The following SLC5A8 variants were observed in gnomAD, a reference collection of about 807,000 sequenced individuals.
The protein encoded by SLC5A8 is solute carrier family 5 member 8, also known as sodium-coupled monocarboxylate transporter 1.
SLC5A8 carries 55 observed loss-of-function variants against 71.9 expected under a neutral mutation model. The observed-to-expected ratio is 0.77, with a 90% confidence interval of 0.62 to 0.96. The LOEUF (loss-of-function observed/expected upper bound fraction) is 0.96, where lower values mean the gene tolerates loss of function less well. SLC5A8 is among the 40% of genes least tolerant of loss of function. The pLI, the probability that SLC5A8 is intolerant of heterozygous loss-of-function variation, is 0.00. For synonymous variants in SLC5A8, 307 were observed against 276.1 expected, an observed-to-expected ratio of 1.11 and a Z score of -1.11; for missense variants, 701 against 745.3, an observed-to-expected ratio of 0.94 and a Z score of 0.69.
At chr12:101,183,008 C>A (rs1593373115) in intron 8 of SLC5A8, 93 bp from the exon 9 acceptor site, 69 of 217,478 alleles carry the variant, frequency 3.2e-4, no homozygotes, top group Middle Eastern at 1.4e-3. Context: ...ATTGTCACTT[C>A]TAAAATATAA....
At chr12:101,162,716 G>A (rs2051735703) in intron 12 of SLC5A8, among the ~76,000 whole-genome samples, 2 of 152,112 alleles carry the variant, frequency 1.3e-5, no homozygotes, top group South Asian at 4.1e-4. Context: ...CACAAAGAAG[G>A]GAACAATAGA....
intron 2 of SLC5A8, among the ~76,000 whole-genome samples, chr12:101,203,531 G>C (rs1025033768): frequency 6.6e-6 from 1 of 152,164 alleles, no homozygotes; most frequent in South Asian, 2.1e-4. Context: ...TATTTTTGTA[G>C]AGATGGGGTT....
chr12:101,190,660 A>G, intron 5 of SLC5A8, 52 bp from the exon 6 acceptor site: 1 of 1,521,606 alleles, frequency 6.6e-7, no homozygotes, highest in South Asian at 1.3e-5. Flanking sequence ...GAGACTAAAA[A>G]AAATTCTCTT....
chr12:101,159,038 G>A (rs961343013), intron 13 of SLC5A8, among the ~76,000 whole-genome samples: 2 of 151,876 alleles, frequency 1.3e-5, no homozygotes, highest in South Asian at 2.1e-4. Context: ...CTCAAAGAGT[G>A]GTCCTCAAAC....
At chr12:101,180,375 T>C (rs1406532142) in intron 9 of SLC5A8, among the ~76,000 whole-genome samples, 1 of 152,224 alleles carries the variant, frequency 6.6e-6, no homozygotes, top group Non-Finnish European at 1.5e-5. Context: ...TATTTAAAAC[T>C]AAGAACTATA....
At chr12:101,202,296 G>A (rs1869490117) in intron 2 of SLC5A8, 81 bp from the exon 3 acceptor site, 1 of 1,248,054 alleles carries the variant, frequency 8.0e-7, no homozygotes, top group Admixed American at 3.0e-5. Context: ...AATATTGATT[G>A]TTTTCCTATA....
At chr12:101,196,675 C>T (rs1010119467) in intron 3 of SLC5A8, among the ~76,000 whole-genome samples, 18 of 152,098 alleles carry the variant, frequency 1.2e-4, no homozygotes, top group African/African-American at 4.1e-4. Flanking sequence ...AGTAATTTAA[C>T]ATACATTCCT....
Position 101,210,222 on chromosome 12 carries a change from C to T in SLC5A8, c.-374G>A, listed in dbSNP as rs144567279. The T allele has an allele frequency of 9.1e-5, 22 of 241,108 alleles. No individual in the cohort carries two copies. In the East Asian group the frequency reaches 1.5e-3, roughly 17 times the overall value. The allele number at this position is 241,108 out of a possible 1,614,324, so 14.9% of individuals were successfully genotyped here. A position where few individuals can be genotyped will look rare whatever the true frequency, so the allele number is the denominator to read the frequency against. On this transcript the variant is annotated 5_prime_UTR_variant, in exon 1 of 15. Coordinates refer to ENST00000536262, the MANE Select transcript of SLC5A8 (RefSeq NM_145913.5). The stretch of plus-strand genomic sequence containing the variant: ...CCAGCGAATCTACACAGGGAGCGCT[C>T]TGGGCAGGTTTTGTTCAAGTGGTAC...
chr12:101,187,394 G>A lies in SLC5A8; in HGVS notation c.955C>T (p.Pro319Ser). The change falls in exon 7 of 15, where the codon CCA (proline) becomes TCA (serine). Residue 319 changes from proline (P) to serine (S), a missense_variant. By Grantham distance (74) the Pro-to-Ser change is moderately conservative. Transcript: ENST00000536262. ...AAGACATGGTACTGAACCTGGTCTG[G>A]TGCAGACACTTTCTTGGCTGTCCAA... is the stretch of plus-strand genomic sequence containing the variant. ...DPWTAKKVSA[P>S]DQLMPYLVLD... 1.2e-6 allele frequency: 2 copies of A among 1,613,570 alleles called. No individual in the cohort carries two copies. The highest frequency in any genetic ancestry group is 1.7e-6 in the Non-Finnish European group (2 of 1,179,816).
intron 4 of SLC5A8, 142 bp downstream of exon 4, chr12:101,194,953 C>G: frequency 1.4e-6 from 1 of 720,766 alleles, no homozygotes; most frequent in Non-Finnish European, 2.3e-6. Flanking sequence ...GATTATTTCT[C>G]ACACAAAAAA....
intron 9 of SLC5A8, 25 bp from the exon 10 acceptor site, chr12:101,180,121 T>G (rs577112044): frequency 1.2e-6 from 2 of 1,611,430 alleles, no homozygotes; most frequent in Admixed American, 1.7e-5. Context: ...TAAAAGCCAG[T>G]GTAAAATCCA....
chr12:101,209,263 A>G (rs1296636153), intron 1 of SLC5A8, among the ~76,000 whole-genome samples: 1 of 152,232 alleles, frequency 6.6e-6, no homozygotes, highest in Non-Finnish European at 1.5e-5. Context: ...CACTAAGCCC[A>G]GGAGAGTAAA....
rs115367634 is a variant in SLC5A8, at chr12:101,184,250, G to C, written c.964-28C>G. ...GAAAAATTCCAAAATTTATTTCCAA[G>C]TACTTTCGCTACTGAATAAAATTAA... On this transcript the variant is annotated intron_variant, in intron 7 of 14. Coordinates refer to ENST00000536262, the MANE Select transcript of SLC5A8 (RefSeq NM_145913.5). The C allele has an allele frequency of 7.3e-4, 1,145 of 1,573,066 alleles. 10 individuals carry two copies. The African/African-American group carries it at 0.014, about 19-fold the overall frequency.
In SLC5A8 at chr12:101,204,002, T is replaced by A. The variant is rs147948775; in HGVS notation, c.417+498A>T. 3.7e-3 allele frequency among the ~76,000 whole-genome samples: 565 copies of A among 152,334 alleles called. 1 individual carries two copies. The highest frequency in any genetic ancestry group is 6.0e-3 in the Non-Finnish European group (405 of 68,034). ...GGACTGCTTTAGTTGGTTCTTGTAGTCTAATTTTTAAAAGAGCACTGACTT... is the reference window on the plus strand; with the variant it reads ...GGACTGCTTTAGTTGGTTCTTGTAGACTAATTTTTAAAAGAGCACTGACTT... On this transcript the variant is annotated intron_variant, in intron 2 of 14. Transcript: ENST00000536262.
intron 10 of SLC5A8, among the ~76,000 whole-genome samples, chr12:101,176,321 T>C (rs1425914834): frequency 6.6e-6 from 1 of 151,928 alleles, no homozygotes; most frequent in Non-Finnish European, 1.5e-5. Flanking sequence ...AAGCAAAAAC[T>C]GATAGAACTA....
intron 14 of SLC5A8, 104 bp downstream of exon 14, chr12:101,158,145 T>C: frequency 3.7e-6 from 3 of 818,974 alleles, no homozygotes; most frequent in East Asian, 2.5e-5. Flanking sequence ...GTCTATACCT[T>C]CCTTGTCCAT....
At chr12:101,202,535 G>A (rs1239680904) in intron 2 of SLC5A8, among the ~76,000 whole-genome samples, 1 of 151,582 alleles carries the variant, frequency 6.6e-6, no homozygotes, top group Non-Finnish European at 1.5e-5. Context: ...TCCTACATCT[G>A]AAATAATTAG....
At chr12:101,202,460 G>A (rs975757652) in intron 2 of SLC5A8, among the ~76,000 whole-genome samples, 7 of 151,820 alleles carry the variant, frequency 4.6e-5, no homozygotes, top group Non-Finnish European at 1.0e-4. Flanking sequence ...GTAAAAATAC[G>A]GACTTTTATA....
At chr12:101,172,685 G>A (rs191946737) in intron 10 of SLC5A8, among the ~76,000 whole-genome samples, 4 of 152,102 alleles carry the variant, frequency 2.6e-5, no homozygotes, top group Non-Finnish European at 5.9e-5. Flanking sequence ...AAGGCAGCCC[G>A]CTAGGGACCC....
Sources: gnomAD v4.1 joint callset for allele counts (sites outside exome capture counted in the v4.1 genomes callset) on GRCh38, gnomAD v4.1.1 for gene constraint, MANE v1.5 for transcripts, NCBI Gene and HGNC (gene_info 2026-07-23, HGNC 2026-07-21) for gene names.